The following MARCO variants were observed in gnomAD, a reference collection of about 807,000 sequenced individuals.
The protein encoded by MARCO is macrophage receptor with collagenous structure.
Under a neutral mutation model 70.0 loss-of-function variants are expected in MARCO, and 72 were observed. The observed-to-expected ratio is 1.03, with a 90% CI of 0.85 to 1.25. The LOEUF (loss-of-function observed/expected upper bound fraction) is 1.25. Ranked by LOEUF, MARCO falls within the 50% of genes most tolerant of loss-of-function variation. The probability of loss-of-function intolerance (pLI) is 0.00; values close to 1 mark genes in which losing one functional copy is unlikely to be tolerated. For missense variants in MARCO, 696 were observed against 659.3 expected (o/e 1.06, Z -0.61); for synonymous variants, 273 against 243.1 (o/e 1.12, Z -1.14).
intron 1 of MARCO, among the ~76,000 whole-genome samples, chr2:118,965,271 C>T (rs1015056854): frequency 2.6e-5 from 4 of 152,140 alleles, no homozygotes; most frequent in South Asian, 2.1e-4. Flanking sequence ...GTTTTTCAGA[C>T]GTGTAATTTC....
chr2:118,990,548 T>G lies in MARCO; in HGVS notation c.1064-41T>G, dbSNP rs377749873. ...ATTAAAAATGTCTAATACCTAAGTT[T>G]TATTATCTCCTCCCCCCCCCCTTTT... On this transcript the variant is annotated intron_variant, in intron 12 of 16. Transcript: ENST00000327097. 6.4e-5 allele frequency: 102 copies of G among 1,583,012 alleles called. No individual in the cohort carries two copies. In the African/African-American group the frequency reaches 1.3e-3, roughly 20 times the overall value.
At position 118,942,331 on chromosome 2, in the gene MARCO, G is replaced by A. The variant is rs554794950; in HGVS notation, c.31G>A (p.Glu11Lys). 35 of 1,613,698 alleles carry A rather than the reference G, an allele frequency of 2.2e-5. No homozygotes were observed. The highest frequency in any genetic ancestry group is 4.0e-5 in the African/African-American group (3 of 75,044). MRNKKILKED[E>K]LLSETQQAAF... ...AAATAAGAAAATTCTCAAGGAGGACGAGCTCTTGAGTGAGACCCAACAAGC... is the reference window on the plus strand; with the variant it reads ...AAATAAGAAAATTCTCAAGGAGGACAAGCTCTTGAGTGAGACCCAACAAGC... Residue 11 changes from glutamate (E) to lysine (K), a missense_variant, in exon 1 of 17, where the codon GAG becomes AAG. Around this residue, in one of 3 missense-constraint regions of MARCO, gnomAD observed 605 missense variants for 537.6 expected, o/e 1.13. Coordinates refer to ENST00000327097, the MANE Select transcript of MARCO (RefSeq NM_006770.4).
chr2:118,962,991 T>C (rs1347237784), intron 1 of MARCO, among the ~76,000 whole-genome samples: 1 of 152,038 alleles, frequency 6.6e-6, no homozygotes, highest in Non-Finnish European at 1.5e-5. Flanking sequence ...TCTTTCATTT[T>C]TATTTTTGTT....
At chr2:118,982,090 T>C (rs1680403000) in intron 10 of MARCO, 66 bp from the exon 11 acceptor site, 3 of 1,135,614 alleles carry the variant, frequency 2.6e-6, no homozygotes, top group Admixed American at 2.1e-5. Flanking sequence ...ACAGAAGCAC[T>C]GGGGGTTGGG....
At chr2:118,956,111 AG>A (rs1003118646) in intron 1 of MARCO, among the ~76,000 whole-genome samples, 18 of 152,222 alleles carry the variant, frequency 1.2e-4, no homozygotes, top group African/African-American at 4.1e-4. Flanking sequence ...GGCAACAAAA[AG>A]CATGATGAAT....
chr2:118,976,314 G>C (rs192962758), intron 6 of MARCO, among the ~76,000 whole-genome samples: 4 of 152,168 alleles, frequency 2.6e-5, no homozygotes, highest in African/African-American at 9.7e-5. Flanking sequence ...TCCATAGAGA[G>C]TGTGGAGTCC....
intron 12 of MARCO, among the ~76,000 whole-genome samples, chr2:118,989,314 C>G (rs1012550186): frequency 2.0e-5 from 3 of 152,096 alleles, no homozygotes; most frequent in Non-Finnish European, 2.9e-5. Flanking sequence ...TAAGGCACCT[C>G]CAGCTCTTAC....
At chr2:118,949,628 G>A (rs1200165264) in intron 1 of MARCO, 1 of 21,534 alleles carries the variant, frequency 4.6e-5, no homozygotes, top group Non-Finnish European at 7.2e-5. Context: ...TAAGCACTGG[G>A]TTAGGAAAGG....
rs759560710 is a variant in MARCO, at chr2:118,974,392, C to A, written c.520C>A (p.Pro174Thr). 2 of 1,612,500 alleles carry A rather than the reference C, an allele frequency of 1.2e-6. No individual in the cohort carries two copies. Among genetic ancestry groups the A allele is most frequent in the East Asian group, 2.2e-5 (1 of 44,842 alleles). The change falls in exon 5 of 17, where the codon CCT (proline) becomes ACT (threonine). Residue 174 changes from proline (P) to threonine (T), a missense_variant. By Grantham distance (38) the Pro-to-Thr change is conservative. Transcript: ENST00000327097. ...MPGAPGPPGP[P>T]AEKGAKGAMG... The stretch of plus-strand genomic sequence containing the variant: ...TGGTGCCCCTGGCCCGCCGGGACCA[C>A]CTGCTGAGAAGGGAGCCAAGGGGGC...
At chr2:118,992,266 T>C (rs185088569) in intron 14 of MARCO, among the ~76,000 whole-genome samples, 166 bp from the exon 15 acceptor site, 1 of 152,252 alleles carries the variant, frequency 6.6e-6, no homozygotes, top group East Asian at 1.9e-4. Flanking sequence ...TGCTCAGTCA[T>C]TGACACCCGC....
Position 118,977,346 on chromosome 2 carries a change from G to A in MARCO, c.614-125G>A, listed in dbSNP as rs1427084896. 1.5e-5 allele frequency: 12 copies of A among 780,278 alleles called. No individual in the cohort carries two copies. The East Asian group carries it at 3.0e-4, about 20-fold the overall frequency. 48.3% of individuals were successfully genotyped at this position (780,278 alleles called of 1,614,324 possible). ...AGAGAGAGAGAGAGAGTGAGAGTGAGAGAGAGAGAAAGATCTCCTTCTGGG... is the reference window on the plus strand; with the variant it reads ...AGAGAGAGAGAGAGAGTGAGAGTGAAAGAGAGAGAAAGATCTCCTTCTGGG... On this transcript the variant is annotated intron_variant, in intron 6 of 16. Coordinates refer to ENST00000327097, the MANE Select transcript of MARCO (RefSeq NM_006770.4).
chr2:118,945,324 A>G (rs979454670), intron 1 of MARCO, among the ~76,000 whole-genome samples: 3 of 151,766 alleles, frequency 2.0e-5, no homozygotes, highest in Admixed American at 6.6e-5. Context: ...TGGTTTCTCA[A>G]GGAAGACTAC....
At chr2:118,954,483 C>T (rs915368721) in intron 1 of MARCO, among the ~76,000 whole-genome samples, 30 of 152,198 alleles carry the variant, frequency 2.0e-4, no homozygotes, top group African/African-American at 7.2e-4. Context: ...CCTTCCCTAC[C>T]TGCCCTGGTG....
At chr2:118,956,187 G>A (rs953297733) in intron 1 of MARCO, among the ~76,000 whole-genome samples, 3 of 152,106 alleles carry the variant, frequency 2.0e-5, no homozygotes, top group Admixed American at 6.5e-5. Context: ...CCACTTAAAA[G>A]ATACAGAACT....
At chr2:118,986,668 G>GAAA (rs1680505013) in intron 12 of MARCO, among the ~76,000 whole-genome samples, 16 of 48,484 alleles carry the variant, frequency 3.3e-4, no homozygotes, top group African/African-American at 5.5e-4. Context: ...AAGGAAGGAA[G>GAAA]GAAGGAAAGA....
At chr2:118,989,993 G>A (rs1354695261) in intron 12 of MARCO, among the ~76,000 whole-genome samples, 2 of 152,172 alleles carry the variant, frequency 1.3e-5, no homozygotes, top group Non-Finnish European at 2.9e-5. Context: ...ATGGAAAGAA[G>A]GAAGAAAGGG....
rs923889614 is a variant in MARCO, at chr2:118,994,517, C to A, written c.1560C>A (p.Val520=). ...AGGACGCAGGCGTGGAGTGCAGCGT[C>A]TGACCCGGAAACCCTTTCACTTCTC... ...HEEDAGVECS[V] The change falls in exon 17 of 17, where the codon GTC becomes GTA. Residue 520 remains valine, a synonymous_variant. Transcript: ENST00000327097. 5 of 1,586,662 alleles carry A rather than the reference C, an allele frequency of 3.2e-6. No homozygotes were observed. Among genetic ancestry groups the A allele is most frequent in the Non-Finnish European group, 4.3e-6 (5 of 1,166,242 alleles).
At chr2:118,978,252 G>A (rs901245508) in intron 8 of MARCO, among the ~76,000 whole-genome samples, 2 of 152,202 alleles carry the variant, frequency 1.3e-5, no homozygotes, top group Non-Finnish European at 2.9e-5. Context: ...AGACTGACTG[G>A]TGGCAAGGGC....
intron 1 of MARCO, among the ~76,000 whole-genome samples, chr2:118,950,438 G>T (rs1286784818): frequency 7.0e-6 from 1 of 143,166 alleles, no homozygotes; most frequent in Non-Finnish European, 1.5e-5. Flanking sequence ...TTCAAAACTT[G>T]CTTAAACCTT....
Sources: gnomAD v4.1 joint callset for allele counts (sites outside exome capture counted in the v4.1 genomes callset) on GRCh38, gnomAD v4.1.1 for gene constraint, gnomAD v4.1.1 regional missense constraint, MANE v1.5 for transcripts, NCBI Gene and HGNC (gene_info 2026-07-23, HGNC 2026-07-21) for gene names.